The following FMN2 variants were observed in gnomAD, a reference collection of about 807,000 sequenced individuals.
The protein encoded by FMN2 is formin 2.
A neutral mutation model predicts 142.3 loss-of-function variants in FMN2; 51 were observed. That is an observed-to-expected ratio of 0.36 (90% confidence interval 0.29 to 0.45). The LOEUF is 0.45. Among genes scored for constraint, FMN2 ranks in the 20% least tolerant of loss-of-function variants. FMN2 has a pLI of 1.00. For synonymous variants in FMN2, 882 were observed against 869.8 expected (o/e 1.01, Z -0.25); for missense variants, 1,936 against 2,122.8 (o/e 0.91, Z 1.73).
At chr1:240,388,867 A>G (rs1297344796) in intron 14 of FMN2, among the ~76,000 whole-genome samples, 1 of 149,892 alleles carries the variant, frequency 6.7e-6, no homozygotes, top group East Asian at 1.9e-4. Context: ...CATCTCAAAA[A>G]AAAAAAAAAA....
At chr1:240,367,702 A>G (rs1022859747) in intron 14 of FMN2, among the ~76,000 whole-genome samples, 3 of 137,770 alleles carry the variant, frequency 2.2e-5, no homozygotes, top group Non-Finnish European at 4.6e-5. Flanking sequence ...TGGGAGGCAG[A>G]GGTTGCAGTG....
intron 14 of FMN2, among the ~76,000 whole-genome samples, chr1:240,361,873 G>A (rs1003852169): frequency 1.3e-5 from 2 of 152,194 alleles, no homozygotes; most frequent in Non-Finnish European, 2.9e-5. Flanking sequence ...TTTTAGGATG[G>A]ACAGAGGAAA....
At chr1:240,384,277 A>G (rs1673337170) in intron 14 of FMN2, among the ~76,000 whole-genome samples, 1 of 152,194 alleles carries the variant, frequency 6.6e-6, no homozygotes, top group South Asian at 2.1e-4. Context: ...ACAAACCTGC[A>G]TATGTACCCC....
At chr1:240,367,703 G>A (rs1672724361) in intron 14 of FMN2, among the ~76,000 whole-genome samples, 1 of 149,358 alleles carries the variant, frequency 6.7e-6, no homozygotes, top group Non-Finnish European at 1.5e-5. Flanking sequence ...GGGAGGCAGA[G>A]GTTGCAGTGA....
intron 1 of FMN2, among the ~76,000 whole-genome samples, chr1:240,106,770 G>A (rs1661625674): frequency 1.3e-5 from 2 of 150,898 alleles, no homozygotes; most frequent in African/African-American, 2.4e-5. Context: ...TGCAACCTCC[G>A]CCTCCTGGGT....
At chr1:240,137,231 AAAG>A (rs1340391180) in intron 2 of FMN2, among the ~76,000 whole-genome samples, 3 of 151,994 alleles carry the variant, frequency 2.0e-5, no homozygotes, top group South Asian at 2.1e-4. Context: ...TGGAAATCTG[AAAG>A]AAGATTTATT....
At chr1:240,121,937 TG>T (rs1662283658) in intron 1 of FMN2, among the ~76,000 whole-genome samples, 1 of 151,830 alleles carries the variant, frequency 6.6e-6, no homozygotes, top group African/African-American at 2.4e-5. Flanking sequence ...GTCCCCGCCA[TG>T]ATGGACACTG....
At chr1:240,161,033 G>A (rs1156839970) in intron 2 of FMN2, among the ~76,000 whole-genome samples, 1 of 152,174 alleles carries the variant, frequency 6.6e-6, no homozygotes, top group Non-Finnish European at 1.5e-5. Flanking sequence ...TGCATGGCCT[G>A]TATGCAGAAG....
intron 2 of FMN2, among the ~76,000 whole-genome samples, chr1:240,127,348 A>C (rs979168695): frequency 6.6e-6 from 1 of 151,144 alleles, no homozygotes. Flanking sequence ...CTAGGATTAC[A>C]GGCATGAGCC....
chr1:240,123,584 C>A (rs1183398936), intron 2 of FMN2, among the ~76,000 whole-genome samples: 1 of 151,280 alleles, frequency 6.6e-6, no homozygotes, highest in Admixed American at 6.6e-5. Flanking sequence ...GACAGATGGT[C>A]ACTCAAGAGT....
At chr1:240,364,584 G>C (rs1018548932) in intron 14 of FMN2, among the ~76,000 whole-genome samples, 1 of 152,116 alleles carries the variant, frequency 6.6e-6, no homozygotes, top group African/African-American at 2.4e-5. Flanking sequence ...TTCTCTCTGA[G>C]GGTTAGATTT....
At chr1:240,356,539 G>A (rs997793560) in intron 14 of FMN2, among the ~76,000 whole-genome samples, 8 of 152,140 alleles carry the variant, frequency 5.3e-5, no homozygotes, top group Non-Finnish European at 1.2e-4. Flanking sequence ...AACAGGAAAA[G>A]AAAGCATCTA....
chr1:240,174,839 C>T (rs1039958456), intron 2 of FMN2, among the ~76,000 whole-genome samples: 7 of 152,168 alleles, frequency 4.6e-5, no homozygotes, highest in African/African-American at 1.7e-4. Flanking sequence ...GCAAAATACA[C>T]AGAACATTAA....
intron 2 of FMN2, among the ~76,000 whole-genome samples, chr1:240,141,056 A>T (rs1479807908): frequency 6.6e-6 from 1 of 152,218 alleles, no homozygotes; most frequent in Non-Finnish European, 1.5e-5. Flanking sequence ...TTTCATTTAC[A>T]ACAGAGTCTA....
chr1:240,284,868 G>A (rs748768788), intron 7 of FMN2, among the ~76,000 whole-genome samples: 16 of 152,198 alleles, frequency 1.1e-4, no homozygotes, highest in Middle Eastern at 3.4e-3. Context: ...ATATCTGGCA[G>A]GCATATGGTC....
intron 13 of FMN2, among the ~76,000 whole-genome samples, chr1:240,343,728 A>G (rs1040137027): frequency 5.3e-5 from 8 of 152,192 alleles, no homozygotes; most frequent in Non-Finnish European, 1.0e-4. Flanking sequence ...AAATTAATGC[A>G]TCTTGGAATT....
Position 240,353,944 on chromosome 1 carries a change from G to A in FMN2, c.4766-1872G>A, listed in dbSNP as rs146109441. On this transcript the variant is annotated intron_variant, in intron 13 of 17. Coordinates refer to ENST00000319653, the MANE Select transcript of FMN2 (RefSeq NM_020066.5). Reference sequence around the variant, plus strand: ...ATGCTGTTCAGGGGCAGTTACATCTGGAGATTAACATTTGCATTGAGTCTG... The same window carrying A: ...ATGCTGTTCAGGGGCAGTTACATCTAGAGATTAACATTTGCATTGAGTCTG... Among the ~76,000 whole-genome samples, 401 of 152,236 alleles carry A rather than the reference G, an allele frequency of 2.6e-3. 3 individuals carry two copies. The highest frequency in any genetic ancestry group is 8.9e-3 in the African/African-American group (368 of 41,540).
intron 4 of FMN2, among the ~76,000 whole-genome samples, chr1:240,195,648 C>G (rs564456976): frequency 2.0e-5 from 3 of 152,250 alleles, no homozygotes; most frequent in Non-Finnish European, 4.4e-5. Context: ...ATTCAGTATT[C>G]ACTAATTTGA....
intron 15 of FMN2, among the ~76,000 whole-genome samples, chr1:240,396,549 GT>G (rs1388802325): frequency 6.6e-6 from 1 of 151,810 alleles, no homozygotes; most frequent in African/African-American, 2.4e-5. Context: ...AATCTAAATG[GT>G]TCTGTCATCC....
Sources: gnomAD v4.1 joint callset for allele counts (sites outside exome capture counted in the v4.1 genomes callset) on GRCh38, gnomAD v4.1.1 for gene constraint, MANE v1.5 for transcripts, NCBI Gene and HGNC (gene_info 2026-07-23, HGNC 2026-07-21) for gene names.